Variants in MEIS1 observed in about 807,000 individuals in gnomAD.
MEIS1 encodes Meis homeobox 1, also known as homeobox protein Meis1.
MEIS1 carries 5 observed loss-of-function variants against 50.8 expected under a neutral mutation model. That is an observed-to-expected ratio of 0.10 (90% CI 0.05 to 0.21). The LOEUF is 0.21. Among genes scored for constraint, MEIS1 ranks in the 10% least tolerant of loss-of-function variants. The pLI, the probability that MEIS1 is intolerant of heterozygous loss-of-function variation, is 1.00. For synonymous variants in MEIS1, 176 were observed against 179.3 expected (o/e 0.98, Z 0.15); for missense variants, 318 against 517.3 (o/e 0.61, Z 3.74).
At chr2:66,485,136 A>G (rs1673111571) in intron 7 of MEIS1, among the ~76,000 whole-genome samples, 1 of 152,130 alleles carries the variant, frequency 6.6e-6, no homozygotes, top group South Asian at 2.1e-4. Context: ...TCTGGGATAC[A>G]TGTGCAGAAC....
At chr2:66,516,395 C>T (rs1471290026) in intron 8 of MEIS1, among the ~76,000 whole-genome samples, 1 of 152,134 alleles carries the variant, frequency 6.6e-6, no homozygotes, top group African/African-American at 2.4e-5. Context: ...GATTTTCATT[C>T]ACACTCTCTC....
intron 9 of MEIS1, among the ~76,000 whole-genome samples, chr2:66,556,782 C>T (rs746394119): frequency 6.6e-6 from 1 of 152,044 alleles, no homozygotes; most frequent in Non-Finnish European, 1.5e-5. Flanking sequence ...GTTTTAAAAG[C>T]TTATGGAAAG....
At chr2:66,494,405 C>A (rs552609087) in intron 7 of MEIS1, among the ~76,000 whole-genome samples, 1 of 152,292 alleles carries the variant, frequency 6.6e-6, no homozygotes, top group South Asian at 2.1e-4. Context: ...GCCTCCCCTT[C>A]CCACAAACCA....
chr2:66,532,531 G>T (rs1244361591), intron 8 of MEIS1, among the ~76,000 whole-genome samples: 1 of 151,762 alleles, frequency 6.6e-6, no homozygotes, highest in Non-Finnish European at 1.5e-5. Flanking sequence ...TGCATAAAAT[G>T]TTATAAAATA....
At chr2:66,498,441 GCTATTCTCTTGTAATAC>G (rs1222371236) in intron 7 of MEIS1, among the ~76,000 whole-genome samples, 1 of 152,114 alleles carries the variant, frequency 6.6e-6, no homozygotes, top group East Asian at 1.9e-4. Context: ...AAGAAGCTAA[GCTATTCTCTTGTAATAC>G]CTCCAACATA....
chr2:66,564,980 C>G (rs1675311007), intron 9 of MEIS1, among the ~76,000 whole-genome samples: 1 of 151,918 alleles, frequency 6.6e-6, no homozygotes, highest in Non-Finnish European at 1.5e-5. Flanking sequence ...TTCTAACAGC[C>G]TTGTTTATAG....
At chr2:66,568,928 C>A in intron 11 of MEIS1, 122 bp from the exon 12 acceptor site, 1 of 1,090,906 alleles carries the variant, frequency 9.2e-7, no homozygotes, top group Non-Finnish European at 1.4e-6. Flanking sequence ...GATCTTTATG[C>A]ACTGAAGATC....
At chr2:66,558,550 G>T (rs1291144978) in intron 9 of MEIS1, among the ~76,000 whole-genome samples, 1 of 152,134 alleles carries the variant, frequency 6.6e-6, no homozygotes, top group Non-Finnish European at 1.5e-5. Flanking sequence ...ATTACATAGA[G>T]CTTAGGTTTC....
chr2:66,520,477 T>G (rs2103871002), intron 8 of MEIS1, among the ~76,000 whole-genome samples: 1 of 150,552 alleles, frequency 6.6e-6, no homozygotes. Context: ...AAAGACTCCG[T>G]CTCAAAAAAA....
At chr2:66,540,984 A>G (rs1307273932) in intron 8 of MEIS1, among the ~76,000 whole-genome samples, 1 of 151,990 alleles carries the variant, frequency 6.6e-6, no homozygotes. Flanking sequence ...AGAAATTAAA[A>G]GATCAGATAA....
chr2:66,472,021 T>C (rs1424238797), intron 7 of MEIS1, among the ~76,000 whole-genome samples: 1 of 152,238 alleles, frequency 6.6e-6, no homozygotes, highest in African/African-American at 2.4e-5. Flanking sequence ...TCAGTTTTTA[T>C]GTAAGGCCTT....
At chr2:66,485,849 A>C (rs550263663) in intron 7 of MEIS1, among the ~76,000 whole-genome samples, 7 of 152,334 alleles carry the variant, frequency 4.6e-5, no homozygotes, top group Admixed American at 3.9e-4. Context: ...TCTAATGACC[A>C]GTGATGATGA....
intron 6 of MEIS1, among the ~76,000 whole-genome samples, chr2:66,462,389 G>C (rs1475488197): frequency 6.6e-6 from 1 of 152,204 alleles, no homozygotes; most frequent in Non-Finnish European, 1.5e-5. Context: ...GGTTCCTGCA[G>C]CCTCCCACAT....
chr2:66,484,677 G>A (rs1440478338), intron 7 of MEIS1, among the ~76,000 whole-genome samples: 1 of 152,040 alleles, frequency 6.6e-6, no homozygotes, highest in Non-Finnish European at 1.5e-5. Flanking sequence ...TCCTGCCTCA[G>A]CCTCCCAAAT....
At chr2:66,456,319 C>G (rs781693602) in intron 6 of MEIS1, among the ~76,000 whole-genome samples, 4 of 151,740 alleles carry the variant, frequency 2.6e-5, no homozygotes, top group Non-Finnish European at 5.9e-5. Context: ...AGAAATCTGC[C>G]TCATTTGATG....
chr2:66,456,235 T>TACACAC lies in MEIS1; in HGVS notation c.631-7853_631-7848dup, dbSNP rs3220293. 3.9e-3 allele frequency among the ~76,000 whole-genome samples: 571 copies of TACACAC among 147,602 alleles called. 5 individuals are homozygous for TACACAC. The highest frequency in any genetic ancestry group is 0.012 in the African/African-American group (490 of 39,296). ...CACAGTGACTATCATATGATTTTTA[T>TACACAC]ACACACACACACACACACACACACA... On this transcript the variant is annotated intron_variant, in intron 6 of 12. Transcript: ENST00000272369.
Position 66,567,550 on chromosome 2 carries a change from C to T in MEIS1, c.1024+39C>T, listed in dbSNP as rs531199850. On this transcript the variant is annotated intron_variant, in intron 10 of 12. Transcript: ENST00000272369. The stretch of plus-strand genomic sequence containing the variant: ...AGTGACTGTATTCAAGTCACGCAAG[C>T]GAAAACCATCCTCAAGCCATTCACC... 2.9e-5 allele frequency: 46 copies of T among 1,599,484 alleles called. No homozygotes were observed. The East Asian group carries it at 5.2e-4, about 18-fold the overall frequency.
chr2:66,492,941 C>T (rs963756779), intron 7 of MEIS1, among the ~76,000 whole-genome samples: 2 of 152,138 alleles, frequency 1.3e-5, no homozygotes, highest in Admixed American at 6.5e-5. Flanking sequence ...AATTGTAGCA[C>T]CCATGCCCAC....
chr2:66,556,392 T>G (rs1170394240), intron 9 of MEIS1, among the ~76,000 whole-genome samples: 1 of 151,990 alleles, frequency 6.6e-6, no homozygotes, highest in African/African-American at 2.4e-5. Flanking sequence ...ACACATTAAC[T>G]CCTCCAGGTC....
Sources: gnomAD v4.1 joint callset for allele counts (sites outside exome capture counted in the v4.1 genomes callset) on GRCh38, gnomAD v4.1.1 for gene constraint, MANE v1.5 for transcripts, NCBI Gene and HGNC (gene_info 2026-07-23, HGNC 2026-07-21) for gene names.